Variants in AMBRA1 observed in about 807,000 individuals in gnomAD.
AMBRA1 encodes the protein autophagy and beclin 1 regulator 1, also known as activating molecule in BECN1-regulated autophagy protein 1.
A neutral mutation model predicts 125.4 loss-of-function variants in AMBRA1; 47 were observed. The ratio of observed to expected loss-of-function variants is 0.37; its 90% CI spans 0.30 to 0.48. AMBRA1 has a LOEUF of 0.48. Among genes scored for constraint, AMBRA1 ranks in the 20% least tolerant of loss-of-function variants. The probability of loss-of-function intolerance (pLI) is 0.99; values close to 1 mark genes in which losing one functional copy is unlikely to be tolerated. For missense variants in AMBRA1, 1,331 were observed against 1,693.4 expected (o/e 0.79, Z 3.76); for synonymous variants, 626 against 655.5 (o/e 0.95, Z 0.69).
chr11:46,520,577 ACAG>A (rs745307360), intron 7 of AMBRA1, among the ~76,000 whole-genome samples: 10 of 149,634 alleles, frequency 6.7e-5, no homozygotes, highest in Non-Finnish European at 1.3e-4. Context: ...CCAGTGCCCC[ACAG>A]CATTTTGTTT....
chr11:46,470,324 C>T (rs1949530632), intron 11 of AMBRA1, among the ~76,000 whole-genome samples: 1 of 152,072 alleles, frequency 6.6e-6, no homozygotes, highest in Non-Finnish European at 1.5e-5. Flanking sequence ...CGCGGTGGCT[C>T]ACGCCTATAA....
chr11:46,539,992 C>A (rs1355657626), intron 7 of AMBRA1, among the ~76,000 whole-genome samples: 1 of 152,046 alleles, frequency 6.6e-6, no homozygotes, highest in Non-Finnish European at 1.5e-5. Flanking sequence ...CCACCAAGCC[C>A]GGCTAATTTT....
chr11:46,561,527 A>T (rs2043337453), intron 1 of AMBRA1, among the ~76,000 whole-genome samples: 1 of 152,222 alleles, frequency 6.6e-6, no homozygotes, highest in African/African-American at 2.4e-5. Context: ...AAATTCATCT[A>T]GATTCACAGA....
chr11:46,520,772 T>C (rs1166095437), intron 7 of AMBRA1, among the ~76,000 whole-genome samples: 1 of 96,450 alleles, frequency 1.0e-5, no homozygotes, highest in African/African-American at 4.1e-5. Flanking sequence ...ATTTTTTGTA[T>C]TTTTTTTTTT....
At chr11:46,409,303 C>A (rs1479757347) in intron 16 of AMBRA1, among the ~76,000 whole-genome samples, 2 of 152,018 alleles carry the variant, frequency 1.3e-5, no homozygotes. Context: ...AGGATTCAAG[C>A]GATTCTCCTG....
intron 17 of AMBRA1, among the ~76,000 whole-genome samples, chr11:46,399,053 C>T (rs1211970643): frequency 6.0e-5 from 9 of 150,672 alleles, no homozygotes; most frequent in South Asian, 2.1e-4. Context: ...GGATTACAGG[C>T]GTGAGCCACC....
intron 1 of AMBRA1, among the ~76,000 whole-genome samples, chr11:46,549,354 A>G (rs1024745373): frequency 6.6e-6 from 1 of 152,218 alleles, no homozygotes; most frequent in African/African-American, 2.4e-5. Flanking sequence ...AAAATATAGG[A>G]AAGTTGAAAG....
chr11:46,460,515 G>C (rs1786360273), intron 11 of AMBRA1, among the ~76,000 whole-genome samples: 1 of 152,256 alleles, frequency 6.6e-6, no homozygotes, highest in South Asian at 2.1e-4. Flanking sequence ...AGTAGAGACA[G>C]GGTTTCACCG....
intron 7 of AMBRA1, among the ~76,000 whole-genome samples, chr11:46,535,992 G>A (rs1410246789): frequency 6.6e-6 from 1 of 152,212 alleles, no homozygotes; most frequent in Non-Finnish European, 1.5e-5. Context: ...TTTGGAAGGT[G>A]TGACTTCCTT....
At chr11:46,535,810 A>G (rs1952447881) in intron 7 of AMBRA1, among the ~76,000 whole-genome samples, 1 of 152,230 alleles carries the variant, frequency 6.6e-6, no homozygotes, top group South Asian at 2.1e-4. Flanking sequence ...AAGGCTGCAT[A>G]TGATGCCAGT....
intron 9 of AMBRA1, among the ~76,000 whole-genome samples, chr11:46,502,156 T>G (rs1472821361): frequency 1.3e-5 from 2 of 152,146 alleles, no homozygotes; most frequent in Admixed American, 6.5e-5. Flanking sequence ...CTCGGCTCAC[T>G]GCAATCTCCG....
chr11:46,573,084 A>G (rs2043822198), intron 1 of AMBRA1, among the ~76,000 whole-genome samples: 2 of 148,078 alleles, frequency 1.4e-5, no homozygotes, highest in Non-Finnish European at 3.0e-5. Context: ...CTGGGCAACA[A>G]GAGCAAAACT....
chr11:46,569,443 ATAT>A lies in AMBRA1; in HGVS notation c.-120-20946_-120-20944del, dbSNP rs1565308296. ...ACTGAGAGATTAAAAAAAAAAAAAT[ATAT>A]ATATATATATATATATATAAAGTGC... On this transcript the variant is annotated intron_variant, in intron 1 of 17. Transcript: ENST00000683756. 2.9e-3 allele frequency among the ~76,000 whole-genome samples: 353 copies of A among 120,102 alleles called. 3 individuals are homozygous for A. The highest frequency in any genetic ancestry group is 8.0e-3 in the African/African-American group (243 of 30,224). The allele number at this position is 120,102 out of a possible 152,430, so 78.8% of individuals were successfully genotyped here. A position where few individuals can be genotyped will look rare whatever the true frequency, so the allele number is the denominator to read the frequency against.
intron 11 of AMBRA1, among the ~76,000 whole-genome samples, chr11:46,463,244 G>A (rs1322043156): frequency 6.6e-6 from 1 of 152,052 alleles, no homozygotes; most frequent in Non-Finnish European, 1.5e-5. Context: ...AGCCCACCAG[G>A]GGCCAACTCA....
At chr11:46,552,909 T>A (rs72912138) in intron 1 of AMBRA1, among the ~76,000 whole-genome samples, 4,524 of 152,142 alleles carry the variant, frequency 0.03, 102 homozygotes, top group Middle Eastern at 0.071. Flanking sequence ...TTTTTAATTT[T>A]AAAAATTATT....
intron 1 of AMBRA1, among the ~76,000 whole-genome samples, chr11:46,567,833 C>G (rs967709130): frequency 2.0e-5 from 3 of 152,074 alleles, no homozygotes. Flanking sequence ...CCTAGCCTGC[C>G]GTGTGCCAAA....
intron 1 of AMBRA1, among the ~76,000 whole-genome samples, chr11:46,566,309 C>T (rs888876260): frequency 5.3e-5 from 8 of 151,714 alleles, no homozygotes; most frequent in Non-Finnish European, 5.9e-5. Flanking sequence ...TCCCAGCTAC[C>T]GGGGCGGCTG....
chr11:46,554,963 G>C (rs1252013099), intron 1 of AMBRA1, among the ~76,000 whole-genome samples: 1 of 152,092 alleles, frequency 6.6e-6, no homozygotes, highest in African/African-American at 2.4e-5. Flanking sequence ...GTCAGGCATG[G>C]TGGGAGGCCA....
chr11:46,547,562 T>C, intron 3 of AMBRA1: 1 of 575,972 alleles, frequency 1.7e-6, no homozygotes. Context: ...ACTGGTGAGC[T>C]GTATCACACA....
Sources: gnomAD v4.1 joint callset for allele counts (sites outside exome capture counted in the v4.1 genomes callset) on GRCh38, gnomAD v4.1.1 for gene constraint, MANE v1.5 for transcripts, NCBI Gene and HGNC (gene_info 2026-07-23, HGNC 2026-07-21) for gene names.